Variants in RFX2 observed in about 807,000 individuals in gnomAD.
RFX2 encodes the protein DNA-binding protein RFX2.
RFX2 carries 20 observed loss-of-function variants against 87.8 expected under a neutral mutation model. The ratio of observed to expected loss-of-function variants is 0.23; its 90% CI spans 0.16 to 0.33. The LOEUF is 0.33. RFX2 is among the 10% of genes least tolerant of loss of function. RFX2 has a pLI of 1.00. For synonymous variants in RFX2, 397 were observed against 431.3 expected (o/e 0.92, Z 0.98); for missense variants, 767 against 1,012.3 (o/e 0.76, Z 3.29).
intron 1 of RFX2, among the ~76,000 whole-genome samples, chr19:6,082,952 T>C (rs1305830154): frequency 6.6e-6 from 1 of 152,178 alleles, no homozygotes; most frequent in Non-Finnish European, 1.5e-5. Context: ...TTTTTTCCCA[T>C]TATTTTTTTG....
chr19:6,002,106 G>A lies in RFX2; in HGVS notation c.1651-83C>T, dbSNP rs761773357. 139 of 1,238,156 alleles carry A rather than the reference G, an allele frequency of 1.1e-4. 1 individual carries two copies. Among genetic ancestry groups the A allele is most frequent in the Middle Eastern group, 2.8e-4 (1 of 3,600 alleles). 76.7% of individuals were successfully genotyped at this position (1,238,156 alleles called of 1,614,324 possible). On this transcript the variant is annotated intron_variant, in intron 14 of 17. Coordinates refer to ENST00000303657, the MANE Select transcript of RFX2 (RefSeq NM_000635.4). This position sits in a 1 kb window ranked among gnomAD's most constrained non-coding sequence, Gnocchi z 6.7. Reference sequence around the variant, plus strand: ...CCCTGGACCTAGCCATGCTCAGGGCGGGACATCGTGCTGTGCTTGAGCCTT... The same window carrying A: ...CCCTGGACCTAGCCATGCTCAGGGCAGGACATCGTGCTGTGCTTGAGCCTT...
intron 1 of RFX2, among the ~76,000 whole-genome samples, chr19:6,090,040 C>A (rs550876367): frequency 6.6e-6 from 1 of 152,242 alleles, no homozygotes; most frequent in East Asian, 1.9e-4. Flanking sequence ...TCGCTCACTG[C>A]AGCCTCAACG....
rs754244119 is a variant in RFX2, at chr19:6,085,711, CTA to C, written c.-9+24680_-9+24681del. Among the ~76,000 whole-genome samples the C allele has an allele frequency of 5.3e-5, 8 of 152,252 alleles. No homozygotes were observed. In the South Asian group the frequency reaches 8.3e-4, roughly 16 times the overall value. ...GATCCAGTGTCATAAAGATGTCTCC[CTA>C]TGTTTTCTGCTAAGAATTTTACAGT... On this transcript the variant is annotated intron_variant, in intron 1 of 17. Coordinates refer to ENST00000303657, the MANE Select transcript of RFX2 (RefSeq NM_000635.4).
intron 2 of RFX2, among the ~76,000 whole-genome samples, chr19:6,046,424 T>C (rs539353376): frequency 5.9e-5 from 9 of 151,508 alleles, no homozygotes; most frequent in Non-Finnish European, 1.0e-4. Context: ...CTACTAAAAA[T>C]ACAAAAATTA....
In RFX2 at chr19:6,083,882, C is replaced by T. The variant is rs965105383; in HGVS notation, c.-9+26511G>A. On this transcript the variant is annotated intron_variant, in intron 1 of 17. Coordinates refer to ENST00000303657, the MANE Select transcript of RFX2 (RefSeq NM_000635.4). The surrounding 1 kb of genome is among the most constrained non-coding windows in gnomAD (Gnocchi z 4.6). ...CTAGCGAGTAGGCACTCAAACGTGTCTGAATAATTTAGTCCCATTTTCTCC... is the reference window on the plus strand; with the variant it reads ...CTAGCGAGTAGGCACTCAAACGTGTTTGAATAATTTAGTCCCATTTTCTCC... Among the ~76,000 whole-genome samples, 4 of 152,112 alleles carry T rather than the reference C, an allele frequency of 2.6e-5. No homozygotes were observed. Among genetic ancestry groups the T allele is most frequent in the Admixed American group, 1.3e-4 (2 of 15,270 alleles).
rs1424859957 is a variant in RFX2 at position 5,994,685 on chromosome 19, T to C, written c.*150A>G. ...GTAGCTTCAACAACTGCTTTCCTTC[T>C]TGAACACTGACCCCGGGAGCCCCCG... On this transcript the variant is annotated 3_prime_UTR_variant, in exon 18 of 18. Coordinates refer to ENST00000303657, the MANE Select transcript of RFX2 (RefSeq NM_000635.4). 2 of 613,470 alleles carry C rather than the reference T, an allele frequency of 3.3e-6. No homozygotes were observed. Among genetic ancestry groups the C allele is most frequent in the Admixed American group, 2.8e-5 (1 of 35,860 alleles). The allele number at this position is 613,470 out of a possible 1,614,324, so 38.0% of individuals were successfully genotyped here. A position where few individuals can be genotyped will look rare whatever the true frequency, so the allele number is the denominator to read the frequency against.
chr19:6,021,400 C>T lies in RFX2; in HGVS notation c.597+4763G>A, dbSNP rs576472149. Among the ~76,000 whole-genome samples the T allele has an allele frequency of 5.3e-5, 8 of 152,292 alleles. No homozygotes were observed. The highest frequency in any genetic ancestry group is 1.9e-4 in the East Asian group (1 of 5,184). On this transcript the variant is annotated intron_variant, in intron 6 of 17. Coordinates refer to ENST00000303657, the MANE Select transcript of RFX2 (RefSeq NM_000635.4). This position sits in a 1 kb window ranked among gnomAD's most constrained non-coding sequence, Gnocchi z 5.7. ...CCCACAATAAATAAGTAAAATGAAC[C>T]GAATGAGGGCTGATGCCGAGTGCCG...
At chr19:6,092,055 A>G (rs2087943745) in intron 1 of RFX2, among the ~76,000 whole-genome samples, 1 of 152,246 alleles carries the variant, frequency 6.6e-6, no homozygotes, top group Non-Finnish European at 1.5e-5. Flanking sequence ...TGTCTCAGAA[A>G]TCTTAAAGGA....
At chr19:6,076,164 AC>A (rs2087689473) in intron 1 of RFX2, among the ~76,000 whole-genome samples, 1 of 152,078 alleles carries the variant, frequency 6.6e-6, no homozygotes, top group South Asian at 2.1e-4. Context: ...ACATGGCGAA[AC>A]CCCATCTCTA....
chr19:6,072,838 C>A, intron 1 of RFX2: 3 of 1,283,230 alleles, frequency 2.3e-6, no homozygotes, highest in Non-Finnish European at 3.3e-6. Context: ...CGCCCTCAGA[C>A]CCCTCGTGAA....
At position 6,084,627 on chromosome 19, in the gene RFX2, TTTTC is replaced by T. The variant is rs200242016; in HGVS notation, c.-9+25762_-9+25765del. On this transcript the variant is annotated intron_variant, in intron 1 of 17. Coordinates refer to ENST00000303657, the MANE Select transcript of RFX2 (RefSeq NM_000635.4). ...GGAATCACACTGGATTTGTCCTTTT[TTTTC>T]TTTCTTTCTTTCTTTTTTTTGAGAC... Among the ~76,000 whole-genome samples, 964 of 137,908 alleles carry T rather than the reference TTTTC, an allele frequency of 7.0e-3. 7 individuals are homozygous for T. Among genetic ancestry groups the T allele is most frequent in the Non-Finnish European group, 9.0e-3 (606 of 67,302 alleles). The allele number at this position is 137,908 out of a possible 152,430, so 90.5% of individuals were successfully genotyped here. A position where few individuals can be genotyped will look rare whatever the true frequency, so the allele number is the denominator to read the frequency against.
At chr19:6,079,241 C>T (rs1052877311) in intron 1 of RFX2, among the ~76,000 whole-genome samples, 4 of 152,174 alleles carry the variant, frequency 2.6e-5, no homozygotes, top group Non-Finnish European at 4.4e-5. Context: ...AGTATGCTGT[C>T]GCTCTTACAA....
intron 5 of RFX2, among the ~76,000 whole-genome samples, chr19:6,031,061 C>G (rs919111241): frequency 6.6e-6 from 1 of 152,172 alleles, no homozygotes; most frequent in Non-Finnish European, 1.5e-5. Context: ...TGTTTAAAAA[C>G]TTGAATTTTA....
chr19:5,994,821 G>A lies in RFX2; in HGVS notation c.*14C>T, dbSNP rs1447211930. The A allele has an allele frequency of 3.2e-6, 5 of 1,573,948 alleles. No homozygotes were observed. Among genetic ancestry groups the A allele is most frequent in the South Asian group, 1.1e-5 (1 of 90,158 alleles). On this transcript the variant is annotated 3_prime_UTR_variant, in exon 18 of 18. Coordinates refer to ENST00000303657, the MANE Select transcript of RFX2 (RefSeq NM_000635.4). ...GCATCTTTTGGAACCTCGAGGAGGCGCCGGCCGGGGCTGCTAGATGCCCTG... is the reference window on the plus strand; with the variant it reads ...GCATCTTTTGGAACCTCGAGGAGGCACCGGCCGGGGCTGCTAGATGCCCTG...
At chr19:6,038,267 C>T (rs1182917773) in intron 5 of RFX2, among the ~76,000 whole-genome samples, 1 of 124,792 alleles carries the variant, frequency 8.0e-6, no homozygotes, top group Admixed American at 1.1e-4. Flanking sequence ...GTGGAGGTTG[C>T]AGTGAGCCAA....
chr19:6,027,524 G>T lies in RFX2; in HGVS notation c.523-1287C>A, dbSNP rs1297913153. On this transcript the variant is annotated intron_variant, in intron 5 of 17. Coordinates refer to ENST00000303657, the MANE Select transcript of RFX2 (RefSeq NM_000635.4). This position sits in a 1 kb window ranked among gnomAD's most constrained non-coding sequence, Gnocchi z 5.0. ...CAGCTTGGGCAGCCACGTGAGTACT[G>T]CCCTGTGGCACCTTCCCTGTGGGAC... is the stretch of plus-strand genomic sequence containing the variant. Among the ~76,000 whole-genome samples the T allele has an allele frequency of 6.6e-6, 1 of 152,186 alleles. No individual in the cohort carries two copies. The highest frequency in any genetic ancestry group is 1.5e-5 in the Non-Finnish European group (1 of 68,036).
chr19:5,997,043 C>T lies in RFX2; in HGVS notation c.2013+17G>A. 6.2e-7 allele frequency: 1 copy of T among 1,603,532 alleles called. No individual in the cohort carries two copies. The highest frequency in any genetic ancestry group is 8.5e-7 in the Non-Finnish European group (1 of 1,177,028). ...GCCCGGCCAAGCCCCGGCCGTCCCA[C>T]CCAGGAGGGTCCTCACCTCTCCCAT... On this transcript the variant is annotated intron_variant, in intron 16 of 17. Coordinates refer to ENST00000303657, the MANE Select transcript of RFX2 (RefSeq NM_000635.4). This position sits in a 1 kb window ranked among gnomAD's most constrained non-coding sequence, Gnocchi z 4.2.
At chr19:6,098,129 A>G (rs761274462) in intron 1 of RFX2, among the ~76,000 whole-genome samples, 3 of 152,234 alleles carry the variant, frequency 2.0e-5, no homozygotes, top group Non-Finnish European at 4.4e-5. Flanking sequence ...GACGTCATAC[A>G]TGATTTTATC....
At position 6,064,187 on chromosome 19, in the gene RFX2, G is replaced by A. The variant is rs1170465027; in HGVS notation, c.-8-16683C>T. 2.0e-5 allele frequency among the ~76,000 whole-genome samples: 3 copies of A among 152,166 alleles called. No individual in the cohort carries two copies. Among genetic ancestry groups the A allele is most frequent in the South Asian group, 2.1e-4 (1 of 4,832 alleles). On this transcript the variant is annotated intron_variant, in intron 1 of 17. Coordinates refer to ENST00000303657, the MANE Select transcript of RFX2 (RefSeq NM_000635.4). This position sits in a 1 kb window ranked among gnomAD's most constrained non-coding sequence, Gnocchi z 4.8. ...AGAGAATGAGCAGCCCGCCTGCTCC[G>A]GGCTGCTCACCTGTTCTAGCCACCT...
Sources: allele counts gnomAD v4.1 joint callset (sites outside exome capture counted in the v4.1 genomes callset), GRCh38; gene constraint gnomAD v4.1.1; non-coding constraint Gnocchi (gnomAD v3.1); transcripts MANE v1.5; gene names NCBI Gene and HGNC (gene_info 2026-07-23, HGNC 2026-07-21).